CYP39A1: variants seen among roughly 807,000 people sequenced by gnomAD.
The protein encoded by CYP39A1 is cytochrome P450 family 39 subfamily A member 1, also known as 24-hydroxycholesterol 7-alpha-hydroxylase.
Under a neutral mutation model 58.1 loss-of-function variants are expected in CYP39A1, and 49 were observed. That is an observed-to-expected ratio of 0.84 (90% confidence interval 0.67 to 1.07). The LOEUF (loss-of-function observed/expected upper bound fraction) is 1.07. CYP39A1 is among the 50% of genes least tolerant of loss of function. The pLI is 0.00. For synonymous variants in CYP39A1, 209 were observed against 187.6 expected, an observed-to-expected ratio of 1.11 and a Z score of -0.93; for missense variants, 531 against 539.4, an observed-to-expected ratio of 0.98 and a Z score of 0.16.
At chr6:46,635,466 C>G (rs1775926669) in intron 5 of CYP39A1, among the ~76,000 whole-genome samples, 1 of 152,120 alleles carries the variant, frequency 6.6e-6, no homozygotes, top group Non-Finnish European at 1.5e-5. Context: ...TAATGAGAGG[C>G]AGAGGTGAGA....
Position 46,553,947 on chromosome 6 carries a change from T to A in CYP39A1, c.1251-93A>T, listed in dbSNP as rs566841726. 1.5e-5 allele frequency: 12 copies of A among 801,884 alleles called. No homozygotes were observed. In the East Asian group the frequency reaches 3.2e-4, roughly 21 times the overall value. The allele number at this position is 801,884 out of a possible 1,614,324, so 49.7% of individuals were successfully genotyped here. ...TCTAGAAAGCATACATATTTCAGAG[T>A]AAACATGCTCTTCTTTACAATATAC... On this transcript the variant is annotated intron_variant, in intron 10 of 11. Coordinates refer to ENST00000275016, the MANE Select transcript of CYP39A1 (RefSeq NM_016593.5).
At chr6:46,560,608 C>G (rs952114287) in intron 10 of CYP39A1, among the ~76,000 whole-genome samples, 1 of 151,886 alleles carries the variant, frequency 6.6e-6, no homozygotes, top group African/African-American at 2.4e-5. Context: ...TTTAGATATC[C>G]AAAGAAGATG....
chr6:46,627,776 CA>C (rs1272510363), intron 6 of CYP39A1, among the ~76,000 whole-genome samples: 1 of 151,754 alleles, frequency 6.6e-6, no homozygotes, highest in African/African-American at 2.4e-5. Flanking sequence ...TTAAAAAAGC[CA>C]AAGTATTTTT....
chr6:46,602,199 G>A (rs945734605), intron 7 of CYP39A1, among the ~76,000 whole-genome samples: 1 of 152,168 alleles, frequency 6.6e-6, no homozygotes, highest in Non-Finnish European at 1.5e-5. Flanking sequence ...ATGGTGGAAG[G>A]TGAGGTTAAT....
At chr6:46,566,413 A>G (rs991560056) in intron 10 of CYP39A1, among the ~76,000 whole-genome samples, 1 of 152,192 alleles carries the variant, frequency 6.6e-6, no homozygotes, top group African/African-American at 2.4e-5. Flanking sequence ...GTGAAGGGGA[A>G]GGAAGGCACC....
At chr6:46,581,092 C>T (rs1772105973) in intron 10 of CYP39A1, among the ~76,000 whole-genome samples, 1 of 152,064 alleles carries the variant, frequency 6.6e-6, no homozygotes, top group African/African-American at 2.4e-5. Flanking sequence ...ACCTAGATGC[C>T]CACTAACAGT....
At chr6:46,557,948 A>G (rs1432203195) in intron 10 of CYP39A1, among the ~76,000 whole-genome samples, 2 of 150,202 alleles carry the variant, frequency 1.3e-5, no homozygotes, top group Non-Finnish European at 3.0e-5. Flanking sequence ...AAAAAAAAAA[A>G]AAAAAAGAAA....
At chr6:46,586,325 A>T in intron 10 of CYP39A1, 1 of 984,390 alleles carries the variant, frequency 1.0e-6, no homozygotes, top group Non-Finnish European at 1.2e-6. Flanking sequence ...AGATTTTGTC[A>T]TAAACAGGTA....
chr6:46,652,524 A>C lies in CYP39A1; in HGVS notation c.59T>G (p.Leu20Arg). 2 of 1,613,818 alleles carry C rather than the reference A, an allele frequency of 1.2e-6. No homozygotes were observed. Among genetic ancestry groups the C allele is most frequent in the Middle Eastern group, 1.7e-4 (1 of 6,058 alleles). ...IILGCLALFLLLQRKNLRRPP... is the reference protein window; with the variant it reads ...IILGCLALFLRLQRKNLRRPP... ...TCTACGCAAATTCTTCCGCTGAAGG[A>C]GTAAGAACAGAGCAAGGCAACCCAG... is the stretch of plus-strand genomic sequence containing the variant. Residue 20 changes from leucine to arginine, a missense_variant, in exon 1 of 12, where the codon CTC (leucine) becomes CGC (arginine). Physicochemically the swap from Leu to Arg is moderately radical, Grantham distance 102 (BLOSUM62 -2). Coordinates refer to ENST00000275016, the MANE Select transcript of CYP39A1 (RefSeq NM_016593.5).
At chr6:46,559,907 T>C (rs566754994) in intron 10 of CYP39A1, among the ~76,000 whole-genome samples, 1 of 152,314 alleles carries the variant, frequency 6.6e-6, no homozygotes, top group Non-Finnish European at 1.5e-5. Context: ...CTTATGTGCT[T>C]TATATACTTC....
intron 7 of CYP39A1, among the ~76,000 whole-genome samples, chr6:46,609,120 G>T (rs1774037786): frequency 6.6e-6 from 1 of 151,816 alleles, no homozygotes; most frequent in South Asian, 2.1e-4. Context: ...CAATTTTAGG[G>T]CCAGGCACCG....
intron 1 of CYP39A1, among the ~76,000 whole-genome samples, chr6:46,650,472 T>C (rs1397955005): frequency 1.5e-5 from 2 of 130,738 alleles, no homozygotes; most frequent in Non-Finnish European, 3.2e-5. Flanking sequence ...CATCAAATAA[T>C]GCAGTCATAT....
At chr6:46,618,576 C>A (rs558248074) in intron 7 of CYP39A1, among the ~76,000 whole-genome samples, 14 of 152,050 alleles carry the variant, frequency 9.2e-5, no homozygotes, top group Admixed American at 3.3e-4. Context: ...TTACAGAGAT[C>A]AAAAACCTAG....
In CYP39A1 at chr6:46,639,663, T is replaced by G; in HGVS notation, c.319A>C (p.Ile107Leu). ...AGTGCTAAAAAGACATTCTTTGGAA[T>G]TGATGCTATGAACAAAGAAAACTAT... ...VQNIVYRTASIPKNVFLALHE... is the reference protein window; with the variant it reads ...VQNIVYRTASLPKNVFLALHE... Residue 107 changes from isoleucine (I) to leucine (L), a missense_variant, in exon 3 of 12, where the codon ATT becomes CTT. Physicochemically the swap from Ile to Leu is conservative, Grantham distance 5 (BLOSUM62 2). Coordinates refer to ENST00000275016, the MANE Select transcript of CYP39A1 (RefSeq NM_016593.5). 1 of 1,611,694 alleles carries G rather than the reference T, an allele frequency of 6.2e-7. No homozygotes were observed. The highest frequency in any genetic ancestry group is 8.5e-7 in the Non-Finnish European group (1 of 1,178,900).
intron 1 of CYP39A1, among the ~76,000 whole-genome samples, chr6:46,650,481 A>ATTTT (rs1762612334): frequency 3.7e-5 from 2 of 54,786 alleles, no homozygotes; most frequent in Non-Finnish European, 7.3e-5. Context: ...ATGCAGTCAT[A>ATTTT]TTCTTTTTTT....
intron 5 of CYP39A1, among the ~76,000 whole-genome samples, chr6:46,632,405 A>T (rs2150582117): frequency 6.6e-6 from 1 of 151,244 alleles, no homozygotes; most frequent in East Asian, 1.9e-4. Context: ...TTCTTTTCTA[A>T]ATCACACATT....
At chr6:46,619,046 A>T (rs994249823) in intron 7 of CYP39A1, among the ~76,000 whole-genome samples, 7 of 152,174 alleles carry the variant, frequency 4.6e-5, no homozygotes, top group Non-Finnish European at 8.8e-5. Context: ...CTAATGCTAA[A>T]CTGTTGACTT....
chr6:46,640,360 T>C (rs894009238), intron 2 of CYP39A1, among the ~76,000 whole-genome samples: 2 of 152,102 alleles, frequency 1.3e-5, no homozygotes, highest in Non-Finnish European at 2.9e-5. Context: ...CACACACTTA[T>C]ACCTATGAGC....
At chr6:46,564,732 A>G (rs1379167668) in intron 10 of CYP39A1, among the ~76,000 whole-genome samples, 1 of 152,120 alleles carries the variant, frequency 6.6e-6, no homozygotes, top group African/African-American at 2.4e-5. Context: ...TTCCTCCTAG[A>G]AGTCATTGTA....
Sources: gnomAD v4.1 joint callset for allele counts (sites outside exome capture counted in the v4.1 genomes callset) on GRCh38, gnomAD v4.1.1 for gene constraint, MANE v1.5 for transcripts, NCBI Gene and HGNC (gene_info 2026-07-23, HGNC 2026-07-21) for gene names.